Variants in RBPJ observed in about 807,000 individuals in gnomAD.
The protein encoded by RBPJ is recombining binding protein suppressor of hairless.
RBPJ carries 9 observed loss-of-function variants against 67.8 expected under a neutral mutation model. The ratio of observed to expected loss-of-function variants is 0.13; its 90% CI spans 0.08 to 0.23. The LOEUF is 0.23. Among genes scored for constraint, RBPJ ranks in the 10% least tolerant of loss-of-function variants. The pLI is 1.00. For missense variants in RBPJ, 305 were observed against 595.6 expected, an observed-to-expected ratio of 0.51 and a Z score of 5.08; for synonymous variants, 198 against 203.3, an observed-to-expected ratio of 0.97 and a Z score of 0.22.
chr4:26,251,232 G>A (rs889919310), intron 1 of RBPJ, among the ~76,000 whole-genome samples: 7 of 152,174 alleles, frequency 4.6e-5, no homozygotes, highest in African/African-American at 1.7e-4. Flanking sequence ...AACCTAATAA[G>A]TTTGCCAAAA....
intron 1 of RBPJ, among the ~76,000 whole-genome samples, chr4:26,383,300 CAAG>C (rs2109614176): frequency 6.6e-6 from 1 of 152,246 alleles, no homozygotes; most frequent in South Asian, 2.1e-4. Context: ...TTCAGAGCAT[CAAG>C]GAGCAAAATT....
At chr4:26,221,245 C>T (rs1466308097) in intron 1 of RBPJ, among the ~76,000 whole-genome samples, 1 of 152,144 alleles carries the variant, frequency 6.6e-6, no homozygotes, top group Non-Finnish European at 1.5e-5. Context: ...CGCCCGCCAC[C>T]ACGCCCGGCT....
At chr4:26,304,798 T>G (rs1722181405) in intron 1 of RBPJ, among the ~76,000 whole-genome samples, 1 of 152,056 alleles carries the variant, frequency 6.6e-6, no homozygotes, top group Non-Finnish European at 1.5e-5. Flanking sequence ...ATTTTTTTTT[T>G]TTTTACTTTC....
chr4:26,107,672 G>A, the RBPJ span, among the ~76,000 whole-genome samples: 565 of 152,264 alleles, frequency 3.7e-3, 7 homozygotes, highest in African/African-American at 0.013. Context: ...CCAAGGTGGG[G>A]GAATCACTTG....
chr4:26,196,244 A>G (rs1197353493), intron 1 of RBPJ, among the ~76,000 whole-genome samples: 4 of 152,238 alleles, frequency 2.6e-5, no homozygotes, highest in African/African-American at 9.6e-5. Context: ...AATATTATTC[A>G]GTAAGAAAAA....
intron 1 of RBPJ, among the ~76,000 whole-genome samples, chr4:26,212,406 C>A: frequency 6.8e-6 from 1 of 147,108 alleles, no homozygotes; most frequent in South Asian, 2.2e-4. Context: ...CCTTTCTCAT[C>A]TTCTCCTGCC....
At chr4:26,310,884 T>G (rs6856886) in intron 1 of RBPJ, among the ~76,000 whole-genome samples, 101,450 of 151,780 alleles carry the variant, frequency 0.67, 34,223 homozygotes, top group African/African-American at 0.75. Context: ...TGGCCAGGCT[T>G]GTCTTGAACT....
At chr4:26,173,388 G>A (rs747419063) in intron 1 of RBPJ, among the ~76,000 whole-genome samples, 11 of 152,114 alleles carry the variant, frequency 7.2e-5, no homozygotes, top group South Asian at 2.1e-4. Flanking sequence ...TGCCCACCTC[G>A]GCCTCCCAAA....
intron 2 of RBPJ, among the ~76,000 whole-genome samples, chr4:26,400,105 A>G (rs1577614131): frequency 6.6e-6 from 1 of 152,332 alleles, no homozygotes; most frequent in Non-Finnish European, 1.5e-5. Context: ...TCTACGGTCA[A>G]GGATTCTTCA....
At chr4:26,311,242 T>C (rs1037086919) in intron 1 of RBPJ, among the ~76,000 whole-genome samples, 7 of 152,014 alleles carry the variant, frequency 4.6e-5, no homozygotes, top group East Asian at 1.9e-4. Context: ...AATGTTGAAA[T>C]GCATCACTGT....
intron 1 of RBPJ, among the ~76,000 whole-genome samples, chr4:26,297,183 C>T (rs1721902329): frequency 6.6e-6 from 1 of 152,118 alleles, no homozygotes. Context: ...GTAGTCCCAG[C>T]TACTTGGGAG....
chr4:26,189,689 G>T (rs1443876603), intron 1 of RBPJ, among the ~76,000 whole-genome samples: 1 of 152,086 alleles, frequency 6.6e-6, no homozygotes, highest in Non-Finnish European at 1.5e-5. Flanking sequence ...TGTATGATTT[G>T]ATAAAAACAG....
intron 1 of RBPJ, among the ~76,000 whole-genome samples, chr4:26,360,680 G>C (rs1577520740): frequency 1.3e-5 from 2 of 148,322 alleles, no homozygotes; most frequent in African/African-American, 5.0e-5. Flanking sequence ...TGCAACCTCT[G>C]CTTCCCAGGT....
chr4:26,369,291 G>A (rs1437812396), intron 1 of RBPJ, among the ~76,000 whole-genome samples: 2 of 152,114 alleles, frequency 1.3e-5, no homozygotes, highest in Non-Finnish European at 2.9e-5. Context: ...TGTGAGGTGG[G>A]GATTGGTACA....
chr4:26,370,889 G>A (rs758759459), intron 1 of RBPJ, among the ~76,000 whole-genome samples: 1 of 151,866 alleles, frequency 6.6e-6, no homozygotes, highest in African/African-American at 2.4e-5. Flanking sequence ...GACAATCCTT[G>A]CTAACACAGT....
At chr4:26,266,710 A>G (rs1178828056) in intron 1 of RBPJ, among the ~76,000 whole-genome samples, 1 of 152,008 alleles carries the variant, frequency 6.6e-6, no homozygotes, top group Admixed American at 6.6e-5. Flanking sequence ...TCAAATGTTA[A>G]GGCGCCATAT....
chr4:26,421,112 CT>C (rs1735092834), intron 5 of RBPJ, among the ~76,000 whole-genome samples: 1 of 152,136 alleles, frequency 6.6e-6, no homozygotes, highest in Non-Finnish European at 1.5e-5. Context: ...ACAAGTACCC[CT>C]TTGAAAAACG....
chr4:26,353,252 A>G (rs1008683014), intron 1 of RBPJ, among the ~76,000 whole-genome samples: 3 of 152,238 alleles, frequency 2.0e-5, no homozygotes, highest in Non-Finnish European at 2.9e-5. Flanking sequence ...ATTTATGTCA[A>G]CCTCATTCCC....
At chr4:26,338,404 A>G (rs1240704086) in intron 1 of RBPJ, among the ~76,000 whole-genome samples, 7 of 151,602 alleles carry the variant, frequency 4.6e-5, no homozygotes, top group African/African-American at 1.2e-4. Flanking sequence ...TCTGTCCACC[A>G]TGGCCTCCCA....
Sources: gnomAD v4.1 joint callset for allele counts (sites outside exome capture counted in the v4.1 genomes callset) on GRCh38, gnomAD v4.1.1 for gene constraint, MANE v1.5 for transcripts, NCBI Gene and HGNC (gene_info 2026-07-23, HGNC 2026-07-21) for gene names.